UBE2R2: variants seen among roughly 807,000 people sequenced by gnomAD.
The protein encoded by UBE2R2 is ubiquitin conjugating enzyme E2 R2.
A neutral mutation model predicts 27.8 loss-of-function variants in UBE2R2; 1 was observed. The ratio of observed to expected loss-of-function variants is 0.04; its 90% confidence interval spans 0.01 to 0.17. The LOEUF is 0.17. Among genes scored for constraint, UBE2R2 ranks in the 10% least tolerant of loss-of-function variants. The pLI, the probability that UBE2R2 is intolerant of heterozygous loss-of-function variation, is 1.00. For missense variants in UBE2R2, 100 were observed against 291.0 expected (o/e 0.34, Z 4.78); for synonymous variants, 106 against 113.3 (o/e 0.94, Z 0.41).
chr9:33,890,122 C>T (rs1054201207), intron 2 of UBE2R2, among the ~76,000 whole-genome samples: 14 of 150,990 alleles, frequency 9.3e-5, no homozygotes, highest in African/African-American at 3.1e-4. Flanking sequence ...GGTAATTACA[C>T]TCCCCTTTCC....
At chr9:33,818,023 G>C in intron 1 of UBE2R2, 89 bp downstream of exon 1, 1 of 1,459,428 alleles carries the variant, frequency 6.9e-7, no homozygotes, top group South Asian at 1.2e-5. Context: ...CCAGGAGTAT[G>C]AGCACGGGCG....
chr9:33,838,193 G>A (rs1034773037), intron 1 of UBE2R2, among the ~76,000 whole-genome samples: 1 of 150,400 alleles, frequency 6.6e-6, no homozygotes, highest in Admixed American at 6.6e-5. Context: ...TTGCTCTGTT[G>A]CCCAGGCTGG....
At chr9:33,857,393 A>G (rs1358818256) in intron 1 of UBE2R2, among the ~76,000 whole-genome samples, 1 of 152,044 alleles carries the variant, frequency 6.6e-6, no homozygotes, top group African/African-American at 2.4e-5. Context: ...ATCTCAGCTC[A>G]CTACAACCTC....
At chr9:33,866,626 C>T (rs1269722012) in intron 1 of UBE2R2, among the ~76,000 whole-genome samples, 1 of 152,118 alleles carries the variant, frequency 6.6e-6, no homozygotes, top group Non-Finnish European at 1.5e-5. Flanking sequence ...CACACTGGGG[C>T]ATCTGTATAT....
chr9:33,815,586 A>C (rs1377051943), upstream of UBE2R2, among the ~76,000 whole-genome samples: 2 of 152,302 alleles, frequency 1.3e-5, no homozygotes, highest in East Asian at 1.9e-4. Flanking sequence ...CTCTACTAAA[A>C]ATACAAAAAT....
At chr9:33,882,093 GT>G (rs946485205) in intron 1 of UBE2R2, among the ~76,000 whole-genome samples, 3 of 152,030 alleles carry the variant, frequency 2.0e-5, no homozygotes, top group African/African-American at 7.2e-5. Context: ...GATTATTCTA[GT>G]TTTGGCCATT....
At chr9:33,845,383 A>G (rs1042892062) in intron 1 of UBE2R2, among the ~76,000 whole-genome samples, 7 of 151,678 alleles carry the variant, frequency 4.6e-5, no homozygotes, top group South Asian at 2.1e-4. Flanking sequence ...AGTAGCTGTG[A>G]CTACAGGCGC....
At chr9:33,818,113 C>G (rs1825859014) in intron 1 of UBE2R2, among the ~76,000 whole-genome samples, 179 bp downstream of exon 1, 1 of 148,440 alleles carries the variant, frequency 6.7e-6, no homozygotes, top group African/African-American at 2.5e-5. Flanking sequence ...AGTGCCTTTT[C>G]TTTGTCATGG....
At chr9:33,826,481 G>A (rs918962179) in intron 1 of UBE2R2, among the ~76,000 whole-genome samples, 3 of 151,328 alleles carry the variant, frequency 2.0e-5, no homozygotes, top group Non-Finnish European at 4.4e-5. Context: ...GGCGGATCAC[G>A]AGGCCAGGAG....
At chr9:33,910,561 G>T (rs1461349647) in intron 3 of UBE2R2, among the ~76,000 whole-genome samples, 1 of 152,176 alleles carries the variant, frequency 6.6e-6, no homozygotes, top group East Asian at 1.9e-4. Flanking sequence ...AGCCATGGGA[G>T]ACCAGGGATG....
chr9:33,917,465 C>T lies in UBE2R2; in HGVS notation c.*228C>T, dbSNP rs1822676364. 1 of 619,610 alleles carries T rather than the reference C, an allele frequency of 1.6e-6. No individual in the cohort carries two copies. Among genetic ancestry groups the T allele is most frequent in the African/African-American group, 1.8e-5 (1 of 54,310 alleles). 38.4% of individuals were successfully genotyped at this position (619,610 alleles called of 1,614,324 possible). A position where few individuals can be genotyped will look rare whatever the true frequency, so the allele number is the denominator to read the frequency against. ...ATGTCTGAATTCTTGCATTCTTTAC[C>T]CTTCCATCACTATATTGATTCTTTT... On this transcript the variant is annotated 3_prime_UTR_variant, in exon 5 of 5. Transcript: ENST00000263228.
At chr9:33,906,914 C>T (rs1382053150) in intron 3 of UBE2R2, among the ~76,000 whole-genome samples, 2 of 152,068 alleles carry the variant, frequency 1.3e-5, no homozygotes, top group Non-Finnish European at 2.9e-5. Flanking sequence ...ACCTGTAGTC[C>T]CAGCTACTCA....
At chr9:33,869,725 C>G (rs1028655516) in intron 1 of UBE2R2, among the ~76,000 whole-genome samples, 1 of 152,160 alleles carries the variant, frequency 6.6e-6, no homozygotes, top group African/African-American at 2.4e-5. Flanking sequence ...GCTGGGATTA[C>G]AGGTGTGAGC....
chr9:33,891,613 C>T (rs1042762193), intron 2 of UBE2R2, among the ~76,000 whole-genome samples: 1 of 151,990 alleles, frequency 6.6e-6, no homozygotes, highest in Non-Finnish European at 1.5e-5. Flanking sequence ...CACCACTGCA[C>T]TCCAGCCTGG....
chr9:33,820,262 A>G (rs966281404), intron 1 of UBE2R2, among the ~76,000 whole-genome samples: 1 of 152,214 alleles, frequency 6.6e-6, no homozygotes, highest in Admixed American at 6.5e-5. Flanking sequence ...TTTAAATTAA[A>G]TGCTTCTGAA....
chr9:33,918,552 C>T lies in UBE2R2; in HGVS notation c.*1315C>T, dbSNP rs1689992952. Reference sequence around the variant, plus strand: ...GCTGCAGCTTTGATTTTCCAGATCTCAATCGTGTTGCTTCAATCAATATTG... The same window carrying T: ...GCTGCAGCTTTGATTTTCCAGATCTTAATCGTGTTGCTTCAATCAATATTG... On this transcript the variant is annotated 3_prime_UTR_variant, in exon 5 of 5. Transcript: ENST00000263228. The T allele has an allele frequency of 6.6e-6, 1 of 152,124 alleles. No individual in the cohort carries two copies. Among genetic ancestry groups the T allele is most frequent in the Non-Finnish European group, 1.5e-5 (1 of 68,030 alleles). The allele number at this position is 152,124 out of a possible 1,614,324, so 9.4% of individuals were successfully genotyped here. A position where few individuals can be genotyped will look rare whatever the true frequency, so the allele number is the denominator to read the frequency against.
chr9:33,877,718 T>C (rs962193407), intron 1 of UBE2R2, among the ~76,000 whole-genome samples: 1 of 152,118 alleles, frequency 6.6e-6, no homozygotes, highest in Admixed American at 6.6e-5. Flanking sequence ...GGTAGTATTA[T>C]AATCTAAGGG....
chr9:33,901,666 A>G (rs753736040), intron 3 of UBE2R2, among the ~76,000 whole-genome samples: 25 of 152,318 alleles, frequency 1.6e-4, no homozygotes, highest in Middle Eastern at 3.4e-3. Flanking sequence ...CTGACTTGTA[A>G]TAGAAGCTCT....
At chr9:33,835,636 C>G (rs1159865594) in intron 1 of UBE2R2, among the ~76,000 whole-genome samples, 1 of 151,528 alleles carries the variant, frequency 6.6e-6, no homozygotes, top group Middle Eastern at 3.2e-3. Context: ...AATCTGAGCA[C>G]TTTGGGAGGC....
Sources: allele counts gnomAD v4.1 joint callset (sites outside exome capture counted in the v4.1 genomes callset), GRCh38; gene constraint gnomAD v4.1.1; transcripts MANE v1.5; gene names NCBI Gene and HGNC (gene_info 2026-07-23, HGNC 2026-07-21).